MBOAT1: variants seen among roughly 807,000 people sequenced by gnomAD.
MBOAT1 encodes the protein membrane bound glycerophospholipid O-acyltransferase 1.
In MBOAT1, 67 loss-of-function variants were observed where a neutral mutation model predicts 64.4. That is an observed-to-expected ratio of 1.04 (90% CI 0.85 to 1.27). The LOEUF is 1.27. Ranked by LOEUF, MBOAT1 falls within the 50% of genes most tolerant of loss-of-function variation. The pLI, the probability that MBOAT1 is intolerant of heterozygous loss-of-function variation, is 0.00. For synonymous variants in MBOAT1, 229 were observed against 218.9 expected (o/e 1.05, Z -0.41); for missense variants, 563 against 604.6 (o/e 0.93, Z 0.72).
At chr6:20,182,043 A>C (rs573882454) in intron 1 of MBOAT1, among the ~76,000 whole-genome samples, 1 of 152,308 alleles carries the variant, frequency 6.6e-6, no homozygotes, top group African/African-American at 2.4e-5. Context: ...AAATTGCTCA[A>C]ATTCCTTGGT....
At chr6:20,205,426 G>A (rs1412147507) in intron 1 of MBOAT1, among the ~76,000 whole-genome samples, 2 of 152,172 alleles carry the variant, frequency 1.3e-5, no homozygotes, top group African/African-American at 4.8e-5. Flanking sequence ...TCCACAACAG[G>A]AAGGCTAAAG....
Position 20,203,702 on chromosome 6 carries a change from C to T in MBOAT1, c.99+8434G>A, listed in dbSNP as rs1200463457. ...TTAGTAAGGAGCAATTATTTTGGAC[C>T]GAGCTCCTGCACCAGGCCCCAACAG... On this transcript the variant is annotated intron_variant, in intron 1 of 12. Coordinates refer to ENST00000324607, the MANE Select transcript of MBOAT1 (RefSeq NM_001080480.3). 4.0e-5 allele frequency among the ~76,000 whole-genome samples: 6 copies of T among 151,848 alleles called. No homozygotes were observed. The South Asian group carries it at 1.0e-3, about 26-fold the overall frequency.
chr6:20,192,999 T>C (rs1039202647), intron 1 of MBOAT1, among the ~76,000 whole-genome samples: 1 of 75,844 alleles, frequency 1.3e-5, no homozygotes, highest in Non-Finnish European at 2.9e-5. Flanking sequence ...TAATTTCTTT[T>C]TTTTTTTTTT....
intron 1 of MBOAT1, among the ~76,000 whole-genome samples, chr6:20,163,737 T>G (rs1376373878): frequency 3.3e-5 from 5 of 152,130 alleles, no homozygotes; most frequent in Non-Finnish European, 4.4e-5. Flanking sequence ...AGAACTCAGG[T>G]GTCCTGACTC....
Position 20,112,912 on chromosome 6 carries a change from GA to G in MBOAT1, c.1172del (p.Phe391SerfsTer2). 6.2e-7 allele frequency: 1 copy of G among 1,614,088 alleles called. No homozygotes were observed. Among genetic ancestry groups the G allele is most frequent in the South Asian group, 1.1e-5 (1 of 91,082 alleles). On this transcript the variant is annotated frameshift_variant, in exon 11 of 13. Transcript: ENST00000324607. LOFTEE classifies it high-confidence loss of function. ...CTAATGTGACAAGAATTCCAGTTAA[GA>G]AGGTAAAATAGTATCCAGGGTAGAC... ...HGVYPGYYFTFLTGILVTLAA... is the reference protein window; with the variant it reads ...HGVYPGYYFTXLTGILVTLAA...
intron 1 of MBOAT1, among the ~76,000 whole-genome samples, chr6:20,155,771 C>T (rs1470814960): frequency 6.6e-6 from 1 of 152,184 alleles, no homozygotes; most frequent in Non-Finnish European, 1.5e-5. Flanking sequence ...ACCTACTAAA[C>T]TCTAACTAGA....
chr6:20,192,771 G>A (rs752512098), intron 1 of MBOAT1, among the ~76,000 whole-genome samples: 3 of 151,986 alleles, frequency 2.0e-5, no homozygotes, highest in Non-Finnish European at 4.4e-5. Context: ...TGCAGATAAG[G>A]AATCAGGCTC....
chr6:20,120,019 G>GTC (rs1297037331), intron 8 of MBOAT1, among the ~76,000 whole-genome samples: 2 of 151,746 alleles, frequency 1.3e-5, no homozygotes, highest in Non-Finnish European at 2.9e-5. Flanking sequence ...GTGTGTGTGT[G>GTC]TGTGTTTTCA....
chr6:20,140,186 C>G lies in MBOAT1; in HGVS notation c.419+4034G>C, dbSNP rs892965883. On this transcript the variant is annotated intron_variant, in intron 4 of 12. Coordinates refer to ENST00000324607, the MANE Select transcript of MBOAT1 (RefSeq NM_001080480.3). ...TGTTTATACTTCCTTCCCCCAACCCCCAATCCTTTCAGCATTCTCACTCAC... is the reference window on the plus strand; with the variant it reads ...TGTTTATACTTCCTTCCCCCAACCCGCAATCCTTTCAGCATTCTCACTCAC... Among the ~76,000 whole-genome samples, 3 of 152,194 alleles carry G rather than the reference C, an allele frequency of 2.0e-5. No homozygotes were observed. In the East Asian group the frequency reaches 5.8e-4, roughly 29 times the overall value.
At chr6:20,140,425 A>G (rs1383672116) in intron 4 of MBOAT1, among the ~76,000 whole-genome samples, 3 of 152,196 alleles carry the variant, frequency 2.0e-5, no homozygotes, top group Admixed American at 2.0e-4. Context: ...TGGTGTACCT[A>G]TGAGGGTTTC....
rs1215601620 is a variant in MBOAT1 at position 20,100,454 on chromosome 6, T to C, written c.*1832A>G. Among the ~76,000 whole-genome samples the C allele has an allele frequency of 6.6e-6, 1 of 152,166 alleles. No homozygotes were observed. The highest frequency in any genetic ancestry group is 6.5e-5 in the Admixed American group (1 of 15,274). On this transcript the variant is annotated 3_prime_UTR_variant, in exon 13 of 13. Transcript: ENST00000324607. ...ACAGCGAAGTAGGGTTGCCCCAAGATTTCCTTGTTAAAGTGGGGTGAGACT... is the reference window on the plus strand; with the variant it reads ...ACAGCGAAGTAGGGTTGCCCCAAGACTTCCTTGTTAAAGTGGGGTGAGACT...
intron 4 of MBOAT1, among the ~76,000 whole-genome samples, chr6:20,134,206 A>T (rs927085625): frequency 6.6e-6 from 1 of 152,140 alleles, no homozygotes; most frequent in Admixed American, 6.6e-5. Flanking sequence ...AATCTCTTAC[A>T]TGCCTGTTTC....
chr6:20,163,326 A>C (rs1026238285), intron 1 of MBOAT1, among the ~76,000 whole-genome samples: 2 of 152,164 alleles, frequency 1.3e-5, no homozygotes, highest in East Asian at 3.8e-4. Flanking sequence ...ATTCCCATTA[A>C]ATTCCACTGT....
intron 7 of MBOAT1, among the ~76,000 whole-genome samples, chr6:20,126,067 T>C: frequency 6.6e-6 from 1 of 152,240 alleles, no homozygotes; most frequent in Non-Finnish European, 1.5e-5. Context: ...ATAAGCAAGC[T>C]TTAGGCATGC....
chr6:20,109,293 A>G (rs1760050463), intron 12 of MBOAT1, among the ~76,000 whole-genome samples: 1 of 152,186 alleles, frequency 6.6e-6, no homozygotes, highest in South Asian at 2.1e-4. Flanking sequence ...TAAGGGCAGC[A>G]AATTTACCCT....
intron 4 of MBOAT1, among the ~76,000 whole-genome samples, chr6:20,136,599 C>A (rs1761001412): frequency 6.6e-6 from 1 of 152,182 alleles, no homozygotes. Flanking sequence ...GAGGAAAACA[C>A]TGTCCACGGA....
At chr6:20,160,842 ACT>A (rs1761832782) in intron 1 of MBOAT1, among the ~76,000 whole-genome samples, 1 of 151,878 alleles carries the variant, frequency 6.6e-6, no homozygotes, top group Admixed American at 6.6e-5. Flanking sequence ...TTCATTCCAC[ACT>A]CCTCAGAATG....
At position 20,112,969 on chromosome 6, in the gene MBOAT1, T is replaced by C. The variant is rs765556068; in HGVS notation, c.1116A>G (p.Leu372=). The C allele has an allele frequency of 4.3e-6, 7 of 1,614,124 alleles. No homozygotes were observed. Among genetic ancestry groups the C allele is most frequent in the East Asian group, 4.5e-5 (2 of 44,878 alleles). Residue 372 remains leucine, a synonymous_variant, in exon 11 of 13, where the codon CTA becomes CTG. Transcript: ENST00000324607. ...YQRVPWYPTV[L]TFILSALWHG... is the part of the protein sequence containing the mutation. ...GCCACAAAGCAGACAGGATGAAGGTTAGCACCGTGGGGTACCATGGAACCC... is the reference window on the plus strand; with the variant it reads ...GCCACAAAGCAGACAGGATGAAGGTCAGCACCGTGGGGTACCATGGAACCC...
chr6:20,154,123 C>G (rs1761606850), intron 1 of MBOAT1, among the ~76,000 whole-genome samples: 2 of 152,348 alleles, frequency 1.3e-5, no homozygotes, highest in South Asian at 4.1e-4. Flanking sequence ...AGGTAGAGCA[C>G]AGACATCAGC....
Sources: allele counts gnomAD v4.1 joint callset (sites outside exome capture counted in the v4.1 genomes callset), GRCh38; gene constraint gnomAD v4.1.1; transcripts MANE v1.5; gene names NCBI Gene and HGNC (gene_info 2026-07-23, HGNC 2026-07-21).